COBL: variants seen among roughly 807,000 people sequenced by gnomAD.
The protein encoded by COBL is protein cordon-bleu.
In COBL, 51 loss-of-function variants were observed where a neutral mutation model predicts 98.8. The observed-to-expected ratio is 0.52, with a 90% CI of 0.41 to 0.65. The LOEUF is 0.65. Ranked by LOEUF, COBL falls within the 30% of genes least tolerant of loss-of-function variation. COBL has a pLI of 0.00. For missense variants in COBL, 1,617 were observed against 1,617.5 expected, an observed-to-expected ratio of 1.00 and a Z score of 0.01; for synonymous variants, 634 against 651.7, an observed-to-expected ratio of 0.97 and a Z score of 0.41.
chr7:51,084,075 G>A (rs1439396765), intron 7 of COBL, among the ~76,000 whole-genome samples: 1 of 152,150 alleles, frequency 6.6e-6, no homozygotes, highest in Non-Finnish European at 1.5e-5. Context: ...AGTCCTTTGG[G>A]AAAGAGGATG....
intron 5 of COBL, among the ~76,000 whole-genome samples, chr7:51,167,906 A>G (rs897981779): frequency 6.6e-6 from 1 of 152,206 alleles, no homozygotes; most frequent in Non-Finnish European, 1.5e-5. Context: ...ATATACAAAA[A>G]TCAAATCAAA....
intron 5 of COBL, among the ~76,000 whole-genome samples, chr7:51,175,053 A>T (rs1788239013): frequency 6.6e-6 from 1 of 152,054 alleles, no homozygotes; most frequent in Non-Finnish European, 1.5e-5. Context: ...AATCCGGACC[A>T]CCCTATGATT....
chr7:51,075,298 A>G (rs1015396097), intron 7 of COBL, among the ~76,000 whole-genome samples: 1 of 152,256 alleles, frequency 6.6e-6, no homozygotes, highest in African/African-American at 2.4e-5. Context: ...AACATTTGCT[A>G]ATTCCTATGC....
In COBL at chr7:51,039,371, C is replaced by T. The variant is rs531112223; in HGVS notation, c.1406+4012G>A. Among the ~76,000 whole-genome samples the T allele has an allele frequency of 3.9e-5, 6 of 152,328 alleles. No individual in the cohort carries two copies. The South Asian group carries it at 1.2e-3, about 32-fold the overall frequency. On this transcript the variant is annotated intron_variant, in intron 8 of 12. Transcript: ENST00000265136. The stretch of plus-strand genomic sequence containing the variant: ...GTTCACCTTGAGTCTGGGCTGTCAG[C>T]CCCCAGGCATGGGTCCTCACTGTAG...
intron 1 of COBL, among the ~76,000 whole-genome samples, chr7:51,242,654 G>A (rs1190925524): frequency 6.6e-6 from 1 of 152,084 alleles, no homozygotes. Context: ...TGAATGTTAT[G>A]ATCTTCAGGT....
chr7:51,163,878 G>C (rs1382124591), intron 5 of COBL, among the ~76,000 whole-genome samples: 1 of 152,136 alleles, frequency 6.6e-6, no homozygotes, highest in Non-Finnish European at 1.5e-5. Context: ...GGATTTCTGT[G>C]TCAAAAACTA....
At chr7:51,276,683 G>A (rs541512643) in intron 1 of COBL, among the ~76,000 whole-genome samples, 2 of 152,318 alleles carry the variant, frequency 1.3e-5, no homozygotes, top group African/African-American at 4.8e-5. Context: ...GGGGTGGCTG[G>A]GAGCTGCAGC....
At chr7:51,047,605 GTTCA>G (rs1275024151) in intron 7 of COBL, among the ~76,000 whole-genome samples, 1 of 151,996 alleles carries the variant, frequency 6.6e-6, no homozygotes, top group African/African-American at 2.4e-5. Context: ...TTTTTTTGTG[GTTCA>G]TTAAGAAAGA....
intron 12 of COBL, among the ~76,000 whole-genome samples, chr7:51,019,302 G>A (rs1273033198): frequency 3.3e-5 from 5 of 151,966 alleles, no homozygotes; most frequent in African/African-American, 1.2e-4. Context: ...ACCAGGGAGC[G>A]TGTCTACCCT....
chr7:51,243,260 C>A (rs1055638632), intron 1 of COBL, among the ~76,000 whole-genome samples: 1 of 152,148 alleles, frequency 6.6e-6, no homozygotes, highest in East Asian at 1.9e-4. Context: ...CAGCTGTGTG[C>A]GGGGAGCAGA....
chr7:51,172,633 G>T, intron 5 of COBL: 1 of 727,192 alleles, frequency 1.4e-6, no homozygotes, highest in Non-Finnish European at 1.9e-6. Flanking sequence ...TGGCCACAAG[G>T]CAGCAAACCC....
At chr7:51,045,479 G>T (rs1789601361) in intron 7 of COBL, among the ~76,000 whole-genome samples, 1 of 152,308 alleles carries the variant, frequency 6.6e-6, no homozygotes, top group Non-Finnish European at 1.5e-5. Flanking sequence ...GCTCCCATAG[G>T]CAGAGTGTGG....
At chr7:51,240,793 TC>T (rs1249035426) in intron 1 of COBL, among the ~76,000 whole-genome samples, 1 of 152,212 alleles carries the variant, frequency 6.6e-6, no homozygotes. Context: ...TCTACCCACC[TC>T]GGCTTCCCAA....
chr7:51,090,935 G>A (rs1317407403), intron 6 of COBL, among the ~76,000 whole-genome samples: 2 of 152,210 alleles, frequency 1.3e-5, no homozygotes, highest in Non-Finnish European at 2.9e-5. Context: ...AGCTCATAAA[G>A]AAGAAATCAG....
At chr7:51,311,770 T>C (rs1348139251) in intron 1 of COBL, among the ~76,000 whole-genome samples, 6 of 151,804 alleles carry the variant, frequency 4.0e-5, no homozygotes, top group African/African-American at 1.2e-4. Flanking sequence ...ATCATAAAAG[T>C]GTAAAAAGGC....
intron 4 of COBL, among the ~76,000 whole-genome samples, chr7:51,188,535 G>T (rs182803631): frequency 8.5e-5 from 13 of 152,326 alleles, no homozygotes; most frequent in African/African-American, 2.9e-4. Flanking sequence ...CGAAAGGGGT[G>T]CTGGCCACAA....
Position 51,025,317 on chromosome 7 carries a change from G to A in COBL, c.3560C>T (p.Ala1187Val). The A allele has an allele frequency of 1.9e-6, 3 of 1,613,420 alleles. No individual in the cohort carries two copies. Among genetic ancestry groups the A allele is most frequent in the African/African-American group, 2.7e-5 (2 of 75,042 alleles). ...TAGCAGAGGACTTTCCGAGCCCTGA[G>A]CAGAGAGTGCGGCATCTCGGAAGCT... ...LQSFRDAALS[A>V]QGSESPLLED... Residue 1187 changes from alanine (A) to valine (V), a missense_variant, in exon 12 of 13, where the codon GCT (alanine) becomes GTT (valine). Around this residue, in one of 3 missense-constraint regions of COBL, gnomAD observed 1,304 missense variants for 1,282.0 expected, o/e 1.02. Coordinates refer to ENST00000265136, the MANE Select transcript of COBL (RefSeq NM_015198.5).
At chr7:51,091,764 C>T (rs1296351386) in intron 6 of COBL, among the ~76,000 whole-genome samples, 1 of 152,140 alleles carries the variant, frequency 6.6e-6, no homozygotes, top group Non-Finnish European at 1.5e-5. Context: ...AAGAAAGAAA[C>T]TTGAAAACAG....
chr7:51,043,267 C>A (rs1789380220), intron 8 of COBL, 116 bp downstream of exon 8: 10 of 965,520 alleles, frequency 1.0e-5, no homozygotes, highest in South Asian at 4.9e-5. Context: ...AGGGTCGGGG[C>A]CCCTGGTGCA....
Sources: allele counts gnomAD v4.1 joint callset (sites outside exome capture counted in the v4.1 genomes callset), GRCh38; gene constraint gnomAD v4.1.1; regional missense constraint gnomAD v4.1.1; transcripts MANE v1.5; gene names NCBI Gene and HGNC (gene_info 2026-07-23, HGNC 2026-07-21).